Variants in PRDM16 observed in about 807,000 individuals in gnomAD.
PRDM16 encodes PR/SET domain 16, also known as histone-lysine N-methyltransferase PRDM16.
In PRDM16, 23 loss-of-function variants were observed where a neutral mutation model predicts 110.6. The observed-to-expected ratio is 0.21, with a 90% confidence interval of 0.15 to 0.29. The LOEUF is 0.29. Ranked by LOEUF, PRDM16 falls within the 10% of genes least tolerant of loss-of-function variation. PRDM16 has a pLI of 1.00. For synonymous variants in PRDM16, 799 were observed against 781.8 expected, an observed-to-expected ratio of 1.02 and a Z score of -0.37; for missense variants, 1,615 against 1,794.3, an observed-to-expected ratio of 0.90 and a Z score of 1.81.
At chr1:3,409,977 GTT>G (rs1643653066) in intron 8 of PRDM16, among the ~76,000 whole-genome samples, 1 of 101,198 alleles carries the variant, frequency 9.9e-6, no homozygotes, top group Admixed American at 1.0e-4. Flanking sequence ...GTGGTTGTGT[GTT>G]TGCATGGGGG....
chr1:3,094,162 G>A (rs1642338802), intron 1 of PRDM16, among the ~76,000 whole-genome samples: 1 of 152,208 alleles, frequency 6.6e-6, no homozygotes, highest in Non-Finnish European at 1.5e-5. Context: ...GCAGGGCAGA[G>A]CTGGGGAGGA....
intron 3 of PRDM16, among the ~76,000 whole-genome samples, chr1:3,247,425 G>A (rs556775874): frequency 6.6e-6 from 1 of 152,230 alleles, no homozygotes; most frequent in African/African-American, 2.4e-5. Context: ...CCGGGCCGAG[G>A]GTTGTATGGA....
intron 3 of PRDM16, among the ~76,000 whole-genome samples, chr1:3,252,159 C>A (rs556681775): frequency 2.0e-5 from 3 of 152,346 alleles, no homozygotes; most frequent in East Asian, 1.9e-4. Flanking sequence ...GCTGTGCCCC[C>A]CTCTTCCTGA....
chr1:3,374,009 G>C (rs1005683178), intron 3 of PRDM16, among the ~76,000 whole-genome samples: 1 of 152,242 alleles, frequency 6.6e-6, no homozygotes, highest in African/African-American at 2.4e-5. Flanking sequence ...TGTCCTCCTG[G>C]AGGCTTGCTG....
intron 2 of PRDM16, among the ~76,000 whole-genome samples, chr1:3,223,030 G>A (rs1238596864): frequency 6.6e-6 from 1 of 151,652 alleles, no homozygotes; most frequent in East Asian, 1.9e-4. Flanking sequence ...ATCTGCAGAT[G>A]GAAGCTCCTG....
rs1641692804 is a variant in PRDM16, at chr1:3,069,538, AC to A, written c.37+247del. Among the ~76,000 whole-genome samples, 1 of 141,906 alleles carries A rather than the reference AC, an allele frequency of 7.0e-6. No homozygotes were observed. The highest frequency in any genetic ancestry group is 1.5e-5 in the Non-Finnish European group (1 of 64,830). 93.1% of individuals were successfully genotyped at this position (141,906 alleles called of 152,430 possible). A position where few individuals can be genotyped will look rare whatever the true frequency, so the allele number is the denominator to read the frequency against. ...AAGGCGCCGGCCCCCTCCCCGCGGAACCCCCTCCCCCCCCACCAGTGTCAGG... is the reference window on the plus strand; with the variant it reads ...AAGGCGCCGGCCCCCTCCCCGCGGAACCCCTCCCCCCCCACCAGTGTCAGG... On this transcript the variant is annotated intron_variant, in intron 1 of 16. Transcript: ENST00000270722. The surrounding 1 kb of genome is among the most constrained non-coding windows in gnomAD (Gnocchi z 6.1).
At chr1:3,407,944 C>A (rs560699919) in intron 8 of PRDM16, among the ~76,000 whole-genome samples, 7 of 152,214 alleles carry the variant, frequency 4.6e-5, no homozygotes, top group African/African-American at 1.7e-4. Context: ...GTGGGCAGAT[C>A]GGGTTTATGA....
intron 1 of PRDM16, among the ~76,000 whole-genome samples, chr1:3,166,874 TCTGTCCTCACGGCGGC>T (rs771123955): frequency 4.9e-4 from 75 of 152,318 alleles, no homozygotes; most frequent in Non-Finnish European, 9.4e-4. Context: ...GTTCAATTGC[TCTGTCCTCACGGCGGC>T]CTACGAAGCA....
At chr1:3,102,036 G>A (rs1297151910) in intron 1 of PRDM16, among the ~76,000 whole-genome samples, 1 of 152,214 alleles carries the variant, frequency 6.6e-6, no homozygotes, top group Non-Finnish European at 1.5e-5. Context: ...CCAACCTTGT[G>A]TGGGGTCCTG....
intron 1 of PRDM16, among the ~76,000 whole-genome samples, chr1:3,090,655 C>T (rs532677478): frequency 6.6e-6 from 1 of 152,378 alleles, no homozygotes; most frequent in South Asian, 2.1e-4. Flanking sequence ...GCCACACAGC[C>T]TGGCTACTCC....
intron 3 of PRDM16, among the ~76,000 whole-genome samples, chr1:3,275,264 A>G (rs1472765425): frequency 6.6e-6 from 1 of 152,256 alleles, no homozygotes; most frequent in Non-Finnish European, 1.5e-5. Flanking sequence ...CCTGTCAGCC[A>G]TGGGCTTGAC....
chr1:3,277,477 G>A (rs1353865487), intron 3 of PRDM16, among the ~76,000 whole-genome samples: 1 of 152,244 alleles, frequency 6.6e-6, no homozygotes, highest in Non-Finnish European at 1.5e-5. Context: ...AGGGTCTCTG[G>A]GTGCCTCTGT....
At chr1:3,217,200 G>A (rs1414760999) in intron 2 of PRDM16, among the ~76,000 whole-genome samples, 1 of 152,252 alleles carries the variant, frequency 6.6e-6, no homozygotes, top group Non-Finnish European at 1.5e-5. Context: ...TGAGTTGATC[G>A]GCAGTGATTT....
At chr1:3,111,638 CA>C (rs1417676800) in intron 1 of PRDM16, among the ~76,000 whole-genome samples, 1 of 152,026 alleles carries the variant, frequency 6.6e-6, no homozygotes, top group East Asian at 1.9e-4. Context: ...AGGCGCAGGT[CA>C]GGGGCGCACG....
At chr1:3,295,263 G>A (rs1641061846) in intron 3 of PRDM16, among the ~76,000 whole-genome samples, 1 of 152,220 alleles carries the variant, frequency 6.6e-6, no homozygotes, top group African/African-American at 2.4e-5. Context: ...CTGGCTTGCA[G>A]GGTGAGCCCC....
rs748395637 is a variant in PRDM16, at chr1:3,437,875, G to A, written c.*4064G>A. The A allele has an allele frequency of 5.4e-4, 118 of 219,086 alleles. No homozygotes were observed. The highest frequency in any genetic ancestry group is 8.7e-4 in the Non-Finnish European group (95 of 109,026). The allele number at this position is 219,086 out of a possible 1,614,324, so 13.6% of individuals were successfully genotyped here. ...TGCATTGCCACTGCGCTTTCGGCAC[G>A]AGGGATGCTGAGCCCTGGTGTCAGA... On this transcript the variant is annotated 3_prime_UTR_variant, in exon 17 of 17. Transcript: ENST00000270722.
intron 1 of PRDM16, among the ~76,000 whole-genome samples, chr1:3,156,249 C>T (rs1333025227): frequency 6.6e-6 from 1 of 152,218 alleles, no homozygotes; most frequent in Non-Finnish European, 1.5e-5. Flanking sequence ...GGCTCCCGGG[C>T]AGCAGGACAG....
At chr1:3,224,616 A>T (rs1639244901) in intron 2 of PRDM16, among the ~76,000 whole-genome samples, 2 of 152,110 alleles carry the variant, frequency 1.3e-5, no homozygotes, top group Non-Finnish European at 2.9e-5. Context: ...CTCCGGTCTG[A>T]CTTGTCTTAA....
intron 3 of PRDM16, among the ~76,000 whole-genome samples, chr1:3,363,732 T>A (rs1449336925): frequency 2.6e-5 from 4 of 151,994 alleles, no homozygotes; most frequent in Admixed American, 2.6e-4. Context: ...TTTTCCAAGG[T>A]GACCACAGCC....
Sources: allele counts gnomAD v4.1 joint callset (sites outside exome capture counted in the v4.1 genomes callset), GRCh38; gene constraint gnomAD v4.1.1; non-coding constraint Gnocchi (gnomAD v3.1); transcripts MANE v1.5; gene names NCBI Gene and HGNC (gene_info 2026-07-23, HGNC 2026-07-21).